Variants in SLC23A2 observed in about 807,000 individuals in gnomAD.
The protein encoded by SLC23A2 is solute carrier family 23 member 2.
SLC23A2 carries 36 observed loss-of-function variants against 73.3 expected under a neutral mutation model. The ratio of observed to expected loss-of-function variants is 0.49; its 90% CI spans 0.38 to 0.65. The LOEUF (loss-of-function observed/expected upper bound fraction) is 0.65. Among genes scored for constraint, SLC23A2 ranks in the 30% least tolerant of loss-of-function variants. The pLI, the probability that SLC23A2 is intolerant of heterozygous loss-of-function variation, is 0.00. For synonymous variants in SLC23A2, 343 were observed against 327.3 expected (o/e 1.05, Z -0.52); for missense variants, 507 against 841.6 (o/e 0.60, Z 4.92).
chr20:4,939,165 A>G (rs1164996868), intron 2 of SLC23A2, among the ~76,000 whole-genome samples: 1 of 152,238 alleles, frequency 6.6e-6, no homozygotes. Flanking sequence ...GAGCTGTGGG[A>G]AACAGAAAGA....
intron 1 of SLC23A2, among the ~76,000 whole-genome samples, chr20:4,972,404 A>G (rs1221071661): frequency 1.3e-5 from 2 of 151,472 alleles, no homozygotes; most frequent in Admixed American, 1.3e-4. Context: ...GCTATTTGGG[A>G]AAAAATACTC....
At chr20:4,926,550 C>A (rs1341780907) in intron 3 of SLC23A2, among the ~76,000 whole-genome samples, 1 of 142,764 alleles carries the variant, frequency 7.0e-6, no homozygotes, top group Admixed American at 7.1e-5. Flanking sequence ...CTGTTTCTTG[C>A]CATGGGCATT....
intron 2 of SLC23A2, among the ~76,000 whole-genome samples, chr20:4,958,607 T>G (rs752265608): frequency 2.0e-5 from 3 of 152,096 alleles, no homozygotes; most frequent in Non-Finnish European, 4.4e-5. Flanking sequence ...TTTGTATTTT[T>G]GGTAGAGATG....
chr20:4,923,257 G>A (rs563223419), intron 3 of SLC23A2, among the ~76,000 whole-genome samples: 3 of 145,992 alleles, frequency 2.1e-5, no homozygotes, highest in Non-Finnish European at 4.5e-5. Flanking sequence ...AGGGAGGCAG[G>A]GAGGGAGGGA....
intron 4 of SLC23A2, among the ~76,000 whole-genome samples, chr20:4,904,045 A>C (rs145305436): frequency 2.7e-4 from 41 of 152,296 alleles, no homozygotes; most frequent in African/African-American, 8.9e-4. Context: ...CTGTGGTCCC[A>C]GCACCATGGG....
intron 1 of SLC23A2, among the ~76,000 whole-genome samples, chr20:4,977,253 A>G (rs1294110428): frequency 2.6e-5 from 4 of 152,198 alleles, no homozygotes; most frequent in Non-Finnish European, 1.5e-5. Context: ...TTCTTCAGCA[A>G]GATAGGCATT....
chr20:4,870,917 TA>T (rs1930424090), intron 11 of SLC23A2, among the ~76,000 whole-genome samples: 2 of 152,340 alleles, frequency 1.3e-5, no homozygotes, highest in South Asian at 4.1e-4. Context: ...TATGGGAAAT[TA>T]AATAGTTTCA....
At chr20:4,887,869 G>A (rs1246547007) in intron 6 of SLC23A2, among the ~76,000 whole-genome samples, 1 of 152,218 alleles carries the variant, frequency 6.6e-6, no homozygotes, top group Non-Finnish European at 1.5e-5. Flanking sequence ...CTTAGGGAAA[G>A]TTGCAACAAG....
rs1225686329 is a variant in SLC23A2, at chr20:4,907,659, C to CA, written c.208-5102dup. Reference sequence around the variant, plus strand: ...AGGGCTGGAAGTCAAAGGTAGCTCTCAAAAATAAGAAAAAGACAAATATAG... The same window carrying CA: ...AGGGCTGGAAGTCAAAGGTAGCTCTCAAAAAATAAGAAAAAGACAAATATAG... On this transcript the variant is annotated intron_variant, in intron 4 of 16. Coordinates refer to ENST00000338244, the MANE Select transcript of SLC23A2 (RefSeq NM_005116.6). Among the ~76,000 whole-genome samples the CA allele has an allele frequency of 1.3e-4, 19 of 151,302 alleles. 1 individual carries two copies. In the East Asian group the frequency reaches 3.7e-3, roughly 29 times the overall value.
intron 16 of SLC23A2, among the ~76,000 whole-genome samples, chr20:4,858,081 C>T (rs1490034058): frequency 6.6e-6 from 1 of 152,220 alleles, no homozygotes; most frequent in Non-Finnish European, 1.5e-5. Context: ...ACAATGCCTT[C>T]ATCAACCAGT....
At chr20:4,878,172 C>T (rs1930732794) in intron 9 of SLC23A2, among the ~76,000 whole-genome samples, 1 of 151,992 alleles carries the variant, frequency 6.6e-6, no homozygotes, top group Non-Finnish European at 1.5e-5. Flanking sequence ...TTTCTTGTGA[C>T]ATTTTTATGA....
intron 1 of SLC23A2, among the ~76,000 whole-genome samples, chr20:4,971,174 A>G: frequency 6.6e-6 from 1 of 152,058 alleles, no homozygotes; most frequent in East Asian, 1.9e-4. Flanking sequence ...ACACCTATAA[A>G]AAAACTTTTC....
At chr20:4,928,169 A>T (rs1932733032) in intron 3 of SLC23A2, among the ~76,000 whole-genome samples, 1 of 152,220 alleles carries the variant, frequency 6.6e-6, no homozygotes, top group South Asian at 2.1e-4. Flanking sequence ...TCTCCCAAGT[A>T]GGTAGGACTA....
chr20:4,915,616 C>T (rs1442613786), intron 3 of SLC23A2, among the ~76,000 whole-genome samples: 1 of 152,150 alleles, frequency 6.6e-6, no homozygotes, highest in Non-Finnish European at 1.5e-5. Flanking sequence ...CATTCAAGGT[C>T]ATACAGATTA....
chr20:4,879,721 T>C (rs1032657788), intron 9 of SLC23A2, among the ~76,000 whole-genome samples: 2 of 152,176 alleles, frequency 1.3e-5, no homozygotes, highest in African/African-American at 4.8e-5. Context: ...CATGGAGCCA[T>C]GATCGATTTC....
Position 4,967,332 on chromosome 20 carries a change from C to T in SLC23A2, c.-155+3461G>A, listed in dbSNP as rs182644639. ...CAGAAAAATCAGCAAACAACTTAGA[C>T]AATTTATAAACAGCTGGTCTTAATC... On this transcript the variant is annotated intron_variant, in intron 2 of 16. Transcript: ENST00000338244. Among the ~76,000 whole-genome samples the T allele has an allele frequency of 3.2e-3, 482 of 152,146 alleles. 2 individuals carry two copies. Among genetic ancestry groups the T allele is most frequent in the African/African-American group, 0.011 (467 of 41,516 alleles).
intron 12 of SLC23A2, chr20:4,869,531 TCTC>T (rs1930352205): frequency 6.4e-6 from 1 of 157,264 alleles, no homozygotes; most frequent in African/African-American, 3.0e-5. Context: ...ATCTATCTAA[TCTC>T]CAAATGACAC....
intron 2 of SLC23A2, among the ~76,000 whole-genome samples, chr20:4,942,221 T>G (rs1377103099): frequency 4.6e-5 from 7 of 152,106 alleles, no homozygotes; most frequent in Non-Finnish European, 1.5e-5. Flanking sequence ...AATGTCCTCA[T>G]GTTTAAAGTT....
chr20:4,903,710 C>A (rs141087953), intron 4 of SLC23A2, among the ~76,000 whole-genome samples: 3 of 152,294 alleles, frequency 2.0e-5, no homozygotes, highest in African/African-American at 4.8e-5. Flanking sequence ...CCAAATGTAA[C>A]TGAATATGAC....
Sources: gnomAD v4.1 joint callset for allele counts (sites outside exome capture counted in the v4.1 genomes callset) on GRCh38, gnomAD v4.1.1 for gene constraint, MANE v1.5 for transcripts, NCBI Gene and HGNC (gene_info 2026-07-23, HGNC 2026-07-21) for gene names.